C9orf43: variants seen among roughly 807,000 people sequenced by gnomAD.
C9orf43 encodes chromosome 9 open reading frame 43, also known as uncharacterized protein C9orf43.
C9orf43 carries 45 observed loss-of-function variants against 59.1 expected under a neutral mutation model. The observed-to-expected ratio is 0.76, with a 90% CI of 0.60 to 0.98. C9orf43 has a LOEUF of 0.98. C9orf43 is among the 50% of genes least tolerant of loss of function. C9orf43 has a pLI of 0.00. For synonymous variants in C9orf43, 203 were observed against 196.8 expected, an observed-to-expected ratio of 1.03 and a Z score of -0.26; for missense variants, 533 against 554.9, an observed-to-expected ratio of 0.96 and a Z score of 0.40.
In C9orf43 at chr9:113,413,778, C is replaced by T. The variant is rs150194451; in HGVS notation, c.171C>T (p.Thr57=). The part of the protein sequence containing the change: ...LDAEDKLPVL[T]VVDILDSGFA... ...TCTTAGATAAACTCCCAGTGCTCAC[C>T]GTGGTAGACATCTTAGATTCCGGCT... is the stretch of plus-strand genomic sequence containing the variant. Residue 57 remains threonine, a synonymous_variant, in exon 3 of 14, where the codon ACC becomes ACT. Transcript: ENST00000374165. 2.2e-5 allele frequency: 35 copies of T among 1,614,096 alleles called. No individual in the cohort carries two copies. The highest frequency in any genetic ancestry group is 2.5e-5 in the Non-Finnish European group (29 of 1,180,010).
At chr9:113,424,114 C>A in intron 7 of C9orf43, 52 bp from the exon 8 acceptor site, 1 of 1,533,254 alleles carries the variant, frequency 6.5e-7, no homozygotes, top group Non-Finnish European at 8.7e-7. Flanking sequence ...CTCAGCCATG[C>A]TTTCCGGGAA....
rs1188186634 is a variant in C9orf43 at position 113,413,827 on chromosome 9, T to C, written c.220T>C (p.Cys74Arg). The change falls in exon 3 of 14, where the codon TGT becomes CGT. Residue 74 changes from cysteine (C) to arginine (R), a missense_variant. By Grantham distance (180) the Cys-to-Arg change is radical. Coordinates refer to ENST00000374165, the MANE Select transcript of C9orf43 (RefSeq NM_001278629.2). ...CTTTGCAGCTCATCATTTACCAGAA[T>C]GTACCTTTACTAAGGCCCATTCTTT... is the stretch of plus-strand genomic sequence containing the variant. The part of the protein sequence containing the change: ...SGFAAHHLPE[C>R]TFTKAHSLLS... 2 of 1,614,204 alleles carry C rather than the reference T, an allele frequency of 1.2e-6. No homozygotes were observed. The highest frequency in any genetic ancestry group is 1.7e-5 in the Admixed American group (1 of 60,022).
Position 113,419,001 on chromosome 9 carries a change from G to T in C9orf43, c.288-107G>T, listed in dbSNP as rs922412088. The stretch of plus-strand genomic sequence containing the variant: ...CCTACATTCATTTGGTAAGCATTAA[G>T]CCCAAGGTTTTCTGTAGATAAGTAG... On this transcript the variant is annotated intron_variant, in intron 3 of 13. Coordinates refer to ENST00000374165, the MANE Select transcript of C9orf43 (RefSeq NM_001278629.2). 6 of 891,302 alleles carry T rather than the reference G, an allele frequency of 6.7e-6. No individual in the cohort carries two copies. In the African/African-American group the frequency reaches 8.4e-5, roughly 12 times the overall value. 55.2% of individuals were successfully genotyped at this position (891,302 alleles called of 1,614,324 possible). A position where few individuals can be genotyped will look rare whatever the true frequency, so the allele number is the denominator to read the frequency against.
chr9:113,428,796 C>A, intron 12 of C9orf43, 104 bp from the exon 13 acceptor site: 1 of 1,005,476 alleles, frequency 9.9e-7, no homozygotes, highest in Non-Finnish European at 1.6e-6. Flanking sequence ...GGGTCTCTGG[C>A]TCATCTTAGA....
intron 3 of C9orf43, among the ~76,000 whole-genome samples, chr9:113,415,348 TTGCCCAGGC>T (rs1828319168): frequency 6.6e-6 from 1 of 152,224 alleles, no homozygotes; most frequent in African/African-American, 2.4e-5. Context: ...TTCGCCATGT[TTGCCCAGGC>T]TGGTCTTGAA....
In C9orf43 at chr9:113,429,425, G is replaced by A. The variant is rs900102863; in HGVS notation, c.*39G>A. Reference sequence around the variant, plus strand: ...GAATAGACTGAAGGCATCCCCTGGGGCAGCCGTGTTCCAAAGCGGGATGGC... The same window carrying A: ...GAATAGACTGAAGGCATCCCCTGGGACAGCCGTGTTCCAAAGCGGGATGGC... On this transcript the variant is annotated 3_prime_UTR_variant, in exon 14 of 14. Coordinates refer to ENST00000374165, the MANE Select transcript of C9orf43 (RefSeq NM_001278629.2). 3 of 1,585,524 alleles carry A rather than the reference G, an allele frequency of 1.9e-6. No individual in the cohort carries two copies. The highest frequency in any genetic ancestry group is 1.3e-5 in the African/African-American group (1 of 74,348).
At chr9:113,425,795 G>A (rs1313457738) in intron 11 of C9orf43, 65 bp downstream of exon 11, 4 of 1,294,654 alleles carry the variant, frequency 3.1e-6, no homozygotes, top group Non-Finnish European at 4.5e-6. Context: ...CTGAGGGCAG[G>A]AAAAGCTAAA....
Position 113,429,374 on chromosome 9 carries a change from T to TG in C9orf43, c.1378dup (p.Ala460GlyfsTer52), listed in dbSNP as rs775368717. 140 of 1,613,734 alleles carry TG rather than the reference T, an allele frequency of 8.7e-5. No homozygotes were observed. The highest frequency in any genetic ancestry group is 1.1e-5 in the Non-Finnish European group (13 of 1,179,768). ...ATGAGGATGAGGAGGACCAGTCCTC[T>TG]GGGGCAGAGTGAGAAGCCTCTGGAG... is the stretch of plus-strand genomic sequence containing the variant. On this transcript the variant is annotated frameshift_variant, in exon 14 of 14. Transcript: ENST00000374165. LOFTEE classifies it high-confidence loss of function.
At position 113,429,228 on chromosome 9, in the gene C9orf43, G is replaced by A. The variant is rs75476466; in HGVS notation, c.1228G>A (p.Ala410Thr). 4,056 of 1,614,216 alleles carry A rather than the reference G, an allele frequency of 2.5e-3. 86 individuals are homozygous for A. In the African/African-American group the frequency reaches 0.048, roughly 19 times the overall value. Residue 410 changes from alanine to threonine, a missense_variant, in exon 14 of 14, where the codon GCT (alanine) becomes ACT (threonine). Physicochemically the swap from Ala to Thr is moderately conservative, Grantham distance 58. Coordinates refer to ENST00000374165, the MANE Select transcript of C9orf43 (RefSeq NM_001278629.2). ...CAAGGACATTAGTGCTCCAGTGGAC[G>A]CTGTGCCAGAAGCCCAGGCTGCCAG... ...TNKDISAPVD[A>T]VPEAQAARQK...
intron 3 of C9orf43, among the ~76,000 whole-genome samples, chr9:113,417,295 C>T (rs1828401074): frequency 6.6e-6 from 1 of 152,190 alleles, no homozygotes; most frequent in South Asian, 2.1e-4. Flanking sequence ...CAAACTACCC[C>T]CAGTACTTCA....
At chr9:113,413,398 T>G in intron 1 of C9orf43, 47 bp from the exon 2 acceptor site, 1 of 1,468,892 alleles carries the variant, frequency 6.8e-7, no homozygotes, top group South Asian at 1.4e-5. Flanking sequence ...CTGGACTGTA[T>G]GGCTAATGTA....
At position 113,424,286 on chromosome 9, in the gene C9orf43, G is replaced by A. The variant is rs1031980741; in HGVS notation, c.777G>A (p.Met259Ile). 1 of 1,613,714 alleles carries A rather than the reference G, an allele frequency of 6.2e-7. No individual in the cohort carries two copies. The highest frequency in any genetic ancestry group is 1.7e-5 in the Admixed American group (1 of 59,930). ...NRPDSVISSKMFLSIHRLTLE... is the reference protein window; with the variant it reads ...NRPDSVISSKIFLSIHRLTLE... ...CTGACAGTGTGATTTCTTCTAAGAT[G>A]TTTCTATCTATACACCGCCTCACCC... The change falls in exon 8 of 14, where the codon ATG (methionine) becomes ATA (isoleucine). Residue 259 changes from methionine (M) to isoleucine (I), a missense_variant. Met to Ile is a conservative substitution (Grantham distance 10). Transcript: ENST00000374165.
Position 113,419,148 on chromosome 9 carries a change from A to G in C9orf43, c.328A>G (p.Thr110Ala). Reference protein sequence around the residue: ...GLPDKSLINCTNRLPKFPVLN... With the variant: ...GLPDKSLINCANRLPKFPVLN... Reference sequence around the variant, plus strand: ...ACCTGACAAAAGTTTGATCAACTGTACTAACAGACTTCCCAAAGTAAGTCA... The same window carrying G: ...ACCTGACAAAAGTTTGATCAACTGTGCTAACAGACTTCCCAAAGTAAGTCA... The change falls in exon 4 of 14, where the codon ACT becomes GCT. Residue 110 changes from threonine (T) to alanine (A), a missense_variant. By Grantham distance (58) the Thr-to-Ala change is moderately conservative. Transcript: ENST00000374165. The G allele has an allele frequency of 3.1e-6, 5 of 1,608,340 alleles. No individual in the cohort carries two copies. Among genetic ancestry groups the G allele is most frequent in the Non-Finnish European group, 4.2e-6 (5 of 1,177,286 alleles).
chr9:113,426,897 A>G (rs1828811547), intron 11 of C9orf43, among the ~76,000 whole-genome samples: 1 of 152,162 alleles, frequency 6.6e-6, no homozygotes, highest in African/African-American at 2.4e-5. Context: ...TGATTTTTGC[A>G]TTGAATCTTG....
rs764936370 is a variant in C9orf43 at position 113,422,442 on chromosome 9, A to G, written c.447-107A>G. ...ATCTTTGTGGTCATCATTCACAAAT[A>G]TCCTTGGAGCTTCTGTTTAAGATAT... On this transcript the variant is annotated intron_variant, in intron 5 of 13. Transcript: ENST00000374165. 5.8e-5 allele frequency: 85 copies of G among 1,466,830 alleles called. 1 individual carries two copies. In the Middle Eastern group the frequency reaches 2.3e-3, roughly 40 times the overall value. The allele number at this position is 1,466,830 out of a possible 1,614,324, so 90.9% of individuals were successfully genotyped here.
chr9:113,411,004 A>T lies in C9orf43; in HGVS notation c.-50+3A>T, dbSNP rs941798000. On this transcript the variant is annotated splice_donor_region_variant and intron_variant, in intron 1 of 13. Coordinates refer to ENST00000374165, the MANE Select transcript of C9orf43 (RefSeq NM_001278629.2). ...CCCCTCACGCTTTTGTAATAATGGT[A>T]CTAAGACTGAGTGTTATTTAGATTT... is the stretch of plus-strand genomic sequence containing the variant. The T allele has an allele frequency of 5.1e-6, 5 of 985,548 alleles. No individual in the cohort carries two copies. In the African/African-American group the frequency reaches 8.7e-5, roughly 17 times the overall value. 61.1% of individuals were successfully genotyped at this position (985,548 alleles called of 1,614,324 possible). A position where few individuals can be genotyped will look rare whatever the true frequency, so the allele number is the denominator to read the frequency against.
At chr9:113,413,339 C>A in intron 1 of C9orf43, 106 bp from the exon 2 acceptor site, 1 of 1,005,126 alleles carries the variant, frequency 9.9e-7, no homozygotes, top group Non-Finnish European at 1.4e-6. Context: ...CATCATTTAC[C>A]TATATAGGTT....
Position 113,428,212 on chromosome 9 carries a change from A to G in C9orf43, c.1096A>G (p.Thr366Ala). 1 of 1,614,192 alleles carries G rather than the reference A, an allele frequency of 6.2e-7. No individual in the cohort carries two copies. The highest frequency in any genetic ancestry group is 8.5e-7 in the Non-Finnish European group (1 of 1,180,006). ...GCAGCAGCAGATGGAAAAAGGAACC[A>G]CTTCGAAACAGGTGAGAGTGTACCA... ...KQQQQMEKGTTSKQDSTERPK... is the reference protein window; with the variant it reads ...KQQQQMEKGTASKQDSTERPK... The change falls in exon 12 of 14, where the codon ACT becomes GCT. Residue 366 changes from threonine to alanine, a missense_variant. Transcript: ENST00000374165.
rs1828561967 is a variant in C9orf43, at chr9:113,421,314, A to G, written c.446+111A>G. The G allele has an allele frequency of 1.9e-5, 14 of 737,576 alleles. No individual in the cohort carries two copies. In the South Asian group the frequency reaches 2.1e-4, roughly 11 times the overall value. 45.7% of individuals were successfully genotyped at this position (737,576 alleles called of 1,614,324 possible). Reference sequence around the variant, plus strand: ...TAGCCAGCTCATTGCAAGTAGCAGGAGGCCAAGCAGAGAAGGTCGTGGTCT... The same window carrying G: ...TAGCCAGCTCATTGCAAGTAGCAGGGGGCCAAGCAGAGAAGGTCGTGGTCT... On this transcript the variant is annotated intron_variant, in intron 5 of 13. Coordinates refer to ENST00000374165, the MANE Select transcript of C9orf43 (RefSeq NM_001278629.2).
Sources: allele counts gnomAD v4.1 joint callset (sites outside exome capture counted in the v4.1 genomes callset), GRCh38; gene constraint gnomAD v4.1.1; transcripts MANE v1.5; gene names NCBI Gene and HGNC (gene_info 2026-07-23, HGNC 2026-07-21).